SECISBP2: variants seen among roughly 807,000 people sequenced by gnomAD.
SECISBP2 encodes the protein selenocysteine insertion sequence-binding protein 2.
A neutral mutation model predicts 98.2 loss-of-function variants in SECISBP2; 96 were observed. The ratio of observed to expected loss-of-function variants is 0.98; its 90% confidence interval spans 0.83 to 1.16. SECISBP2 has a LOEUF of 1.16. SECISBP2 is among the 50% of genes most tolerant of loss of function. SECISBP2 has a pLI of 0.00. For missense variants in SECISBP2, 1,046 were observed against 1,022.9 expected (o/e 1.02, Z -0.31); for synonymous variants, 407 against 370.2 (o/e 1.10, Z -1.14).
At chr9:89,339,777 T>C (rs1829372792) in intron 8 of SECISBP2, 87 bp from the exon 9 acceptor site, 2 of 948,562 alleles carry the variant, frequency 2.1e-6, no homozygotes, top group Non-Finnish European at 3.5e-6. Flanking sequence ...GGGACCTTAC[T>C]GAAGAATGAA....
intron 7 of SECISBP2, among the ~76,000 whole-genome samples, chr9:89,336,143 C>T (rs925197185): frequency 8.1e-6 from 1 of 123,054 alleles, no homozygotes; most frequent in African/African-American, 3.0e-5. Context: ...TCAAGCAATC[C>T]TTCCACCTCA....
downstream of SECISBP2, chr9:89,363,516 G>A: frequency 3.7e-6 from 6 of 1,614,046 alleles, no homozygotes; most frequent in Non-Finnish European, 4.2e-6. Flanking sequence ...CACCTCTCCT[G>A]GTGGGTCACT....
At chr9:89,366,614 T>C in the SECISBP2 span, among the ~76,000 whole-genome samples, 394 of 152,376 alleles carry the variant, frequency 2.6e-3, 2 homozygotes, top group African/African-American at 8.9e-3. Context: ...TCTACAAATA[T>C]AAGTACATAT....
chr9:89,318,825 T>G (rs934680069), intron 1 of SECISBP2: 3 of 1,268,536 alleles, frequency 2.4e-6, no homozygotes, highest in Non-Finnish European at 3.0e-6. Context: ...CGCCCACAGT[T>G]AGCGCCGCGT....
downstream of SECISBP2, chr9:89,361,651 A>G (rs539427645): frequency 1.1e-4 from 16 of 152,356 alleles, no homozygotes; most frequent in African/African-American, 3.6e-4. Context: ...TAATTGACCT[A>G]TTTGGCTTTC....
At position 89,346,989 on chromosome 9, in the gene SECISBP2, A is replaced by G. The variant is rs539412112; in HGVS notation, c.1543A>G (p.Met515Val). 684 of 1,614,218 alleles carry G rather than the reference A, an allele frequency of 4.2e-4. 1 individual carries two copies. In the South Asian group the frequency reaches 7.2e-3, roughly 17 times the overall value. ...TCCCTTGGACTCCAGCGCCCCACTG[A>G]TGAAGAAAGGGAAGCAGAGGGAGAT... Reference protein sequence around the residue: ...HNPLDSSAPLMKKGKQREIPK... With the variant: ...HNPLDSSAPLVKKGKQREIPK... Residue 515 changes from methionine to valine, a missense_variant, in exon 11 of 17, where the codon ATG becomes GTG. Physicochemically the swap from Met to Val is conservative, Grantham distance 21. Transcript: ENST00000375807.
intron 3 of SECISBP2, 103 bp from the exon 4 acceptor site, chr9:89,325,794 C>T: frequency 6.3e-7 from 1 of 1,589,118 alleles, no homozygotes; most frequent in Non-Finnish European, 8.6e-7. Context: ...TGTATTTAAC[C>T]TTTTAAAAAA....
At chr9:89,336,453 T>C (rs1424397401) in intron 7 of SECISBP2, among the ~76,000 whole-genome samples, 1 of 152,162 alleles carries the variant, frequency 6.6e-6, no homozygotes, top group African/African-American at 2.4e-5. Context: ...TAGCTTGAAA[T>C]GTGGCCTTGT....
chr9:89,344,675 G>GT (rs1005183342), intron 10 of SECISBP2, among the ~76,000 whole-genome samples: 6 of 150,368 alleles, frequency 4.0e-5, no homozygotes, highest in Admixed American at 1.3e-4. Flanking sequence ...TTTCTTTGTT[G>GT]TTTTTTTTAA....
At chr9:89,347,937 G>C (rs1830673783) in intron 11 of SECISBP2, 142 bp from the exon 12 acceptor site, 2 of 781,386 alleles carry the variant, frequency 2.6e-6, no homozygotes, top group Admixed American at 4.2e-5. Flanking sequence ...GAGCTCCCTG[G>C]AGTCTGGGGA....
chr9:89,324,909 T>C (rs538873119), intron 2 of SECISBP2: 1 of 164,842 alleles, frequency 6.1e-6, no homozygotes, highest in South Asian at 1.5e-4. Context: ...GTCCATCTGT[T>C]AGTAAAGTGT....
intron 9 of SECISBP2, among the ~76,000 whole-genome samples, chr9:89,340,154 A>G (rs1333542920): frequency 6.6e-6 from 1 of 152,168 alleles, no homozygotes; most frequent in Non-Finnish European, 1.5e-5. Context: ...TTTGATAATA[A>G]GACTTATTTT....
chr9:89,330,794 G>A (rs1034825973), intron 5 of SECISBP2, among the ~76,000 whole-genome samples: 1 of 152,224 alleles, frequency 6.6e-6, no homozygotes, highest in African/African-American at 2.4e-5. Flanking sequence ...ATCACGTACC[G>A]CTCTCATGAG....
intron 14 of SECISBP2, chr9:89,354,936 C>T: frequency 1.0e-6 from 1 of 985,412 alleles, no homozygotes. Flanking sequence ...AACACTCCAC[C>T]CCACCTCTGC....
At chr9:89,358,411 T>C (rs1379653346) in intron 16 of SECISBP2, among the ~76,000 whole-genome samples, 1 of 152,130 alleles carries the variant, frequency 6.6e-6, no homozygotes, top group East Asian at 1.9e-4. Flanking sequence ...CTTTTGACAA[T>C]GGGTGGCCTT....
rs2131979218 is a variant in SECISBP2 at position 89,349,930 on chromosome 9, G to A, written c.1892+1G>A. 1.9e-6 allele frequency: 3 copies of A among 1,613,928 alleles called. No homozygotes were observed. Among genetic ancestry groups the A allele is most frequent in the Non-Finnish European group, 2.5e-6 (3 of 1,179,968 alleles). ...AGATCCACAGCCGCAGATTCAGGGA[G>A]TGAGTGAGCCCCTGCCTGCCAGGGA... On this transcript the variant is annotated splice_donor_variant, in intron 13 of 16. Coordinates refer to ENST00000375807, the MANE Select transcript of SECISBP2 (RefSeq NM_024077.5). LOFTEE classifies it high-confidence loss of function.
intron 2 of SECISBP2, among the ~76,000 whole-genome samples, chr9:89,321,994 G>A (rs1040544510): frequency 1.3e-5 from 2 of 152,206 alleles, no homozygotes; most frequent in Non-Finnish European, 2.9e-5. Context: ...CAACTACATA[G>A]CATCCTAAGT....
Position 89,321,870 on chromosome 9 carries a change from A to G in SECISBP2, c.182+2073A>G, listed in dbSNP as rs533255895. Among the ~76,000 whole-genome samples, 16 of 152,336 alleles carry G rather than the reference A, an allele frequency of 1.1e-4. No individual in the cohort carries two copies. In the South Asian group the frequency reaches 3.1e-3, roughly 30 times the overall value. ...AATTGATTATCTGAGCAGTTCTAATATAGATTAAAAATTGCATTGCCATAG... is the reference window on the plus strand; with the variant it reads ...AATTGATTATCTGAGCAGTTCTAATGTAGATTAAAAATTGCATTGCCATAG... On this transcript the variant is annotated intron_variant, in intron 2 of 16. Transcript: ENST00000375807.
chr9:89,357,049 G>C, intron 14 of SECISBP2: 1 of 352,600 alleles, frequency 2.8e-6, no homozygotes, highest in South Asian at 2.2e-5. Flanking sequence ...GTACAATGTG[G>C]GATAAGAAAC....
Sources: allele counts gnomAD v4.1 joint callset (sites outside exome capture counted in the v4.1 genomes callset), GRCh38; gene constraint gnomAD v4.1.1; transcripts MANE v1.5; gene names NCBI Gene and HGNC (gene_info 2026-07-23, HGNC 2026-07-21).